Variants in STX8 observed in about 807,000 individuals in gnomAD.
STX8 encodes the protein syntaxin-8.
In STX8, 23 loss-of-function variants were observed where a neutral mutation model predicts 37.5. The observed-to-expected ratio is 0.61, with a 90% CI of 0.44 to 0.87. The LOEUF is 0.87. STX8 is among the 40% of genes least tolerant of loss of function. STX8 has a pLI of 0.00. For synonymous variants in STX8, 115 were observed against 99.1 expected, an observed-to-expected ratio of 1.16 and a Z score of -0.95; for missense variants, 313 against 284.7, an observed-to-expected ratio of 1.10 and a Z score of -0.71.
intron 4 of STX8, among the ~76,000 whole-genome samples, chr17:9,537,438 A>G (rs1906103351): frequency 1.3e-5 from 2 of 152,216 alleles, no homozygotes; most frequent in South Asian, 4.1e-4. Context: ...TCATGAGAGC[A>G]CAGCCCAGAG....
intron 7 of STX8, among the ~76,000 whole-genome samples, chr17:9,307,940 AG>A (rs1909058232): frequency 6.6e-6 from 1 of 152,194 alleles, no homozygotes; most frequent in Admixed American, 6.5e-5. Flanking sequence ...CTCATTCCAA[AG>A]GGTTTCTGCC....
At chr17:9,573,055 AT>A (rs1907742656) in intron 1 of STX8, among the ~76,000 whole-genome samples, 1 of 150,752 alleles carries the variant, frequency 6.6e-6, no homozygotes, top group Admixed American at 6.7e-5. Flanking sequence ...GTAAACCAAA[AT>A]AAAATTCTAA....
intron 6 of STX8, among the ~76,000 whole-genome samples, chr17:9,401,438 C>T (rs1912615567): frequency 6.6e-6 from 1 of 152,176 alleles, no homozygotes; most frequent in African/African-American, 2.4e-5. Flanking sequence ...TCTGATACTC[C>T]TGTCAATCCG....
intron 6 of STX8, among the ~76,000 whole-genome samples, chr17:9,379,218 C>T (rs1436825481): frequency 6.9e-6 from 1 of 145,000 alleles, no homozygotes; most frequent in Non-Finnish European, 1.5e-5. Context: ...GCATTCCAGC[C>T]TGGGTGACAG....
chr17:9,536,430 C>G (rs375657535), intron 4 of STX8, among the ~76,000 whole-genome samples: 1 of 152,104 alleles, frequency 6.6e-6, no homozygotes, highest in East Asian at 1.9e-4. Context: ...GATGTTTTTC[C>G]CTATTTAAGC....
intron 5 of STX8, among the ~76,000 whole-genome samples, chr17:9,501,172 A>G (rs1904596209): frequency 6.6e-6 from 1 of 152,212 alleles, no homozygotes; most frequent in African/African-American, 2.4e-5. Flanking sequence ...TGTAATCCCA[A>G]TCAAATGCCC....
At chr17:9,413,445 G>A (rs558651688) in intron 6 of STX8, among the ~76,000 whole-genome samples, 1 of 152,328 alleles carries the variant, frequency 6.6e-6, no homozygotes, top group South Asian at 2.1e-4. Flanking sequence ...AGCTGTGAAC[G>A]TAAAGGAGAC....
intron 7 of STX8, among the ~76,000 whole-genome samples, chr17:9,307,799 C>A (rs1909053479): frequency 6.6e-6 from 1 of 152,116 alleles, no homozygotes; most frequent in African/African-American, 2.4e-5. Context: ...TCCTGCCCCT[C>A]TTTGTCCTCT....
chr17:9,571,185 A>T (rs1907673902), intron 1 of STX8, among the ~76,000 whole-genome samples: 1 of 152,192 alleles, frequency 6.6e-6, no homozygotes, highest in African/African-American at 2.4e-5. Context: ...ACAAACTCCC[A>T]GGTGTCCTGA....
intron 7 of STX8, among the ~76,000 whole-genome samples, chr17:9,271,790 A>G (rs924860121): frequency 6.6e-6 from 1 of 151,860 alleles, no homozygotes; most frequent in African/African-American, 2.4e-5. Flanking sequence ...ATTCAACTTC[A>G]AGGGTCCTAC....
intron 7 of STX8, among the ~76,000 whole-genome samples, chr17:9,289,290 G>T (rs535586279): frequency 6.6e-6 from 1 of 152,272 alleles, no homozygotes; most frequent in South Asian, 2.1e-4. Flanking sequence ...GCTTAAGGGG[G>T]TAAATCAAGC....
chr17:9,451,535 T>C (rs1386739727), intron 6 of STX8, among the ~76,000 whole-genome samples: 1 of 152,236 alleles, frequency 6.6e-6, no homozygotes, highest in Non-Finnish European at 1.5e-5. Context: ...AAATATTATA[T>C]ACTTTGCATT....
At chr17:9,337,888 G>T (rs959264927) in intron 7 of STX8, among the ~76,000 whole-genome samples, 3 of 151,990 alleles carry the variant, frequency 2.0e-5, no homozygotes, top group African/African-American at 7.3e-5. Flanking sequence ...CCTAGTCCAT[G>T]GAAGAGAAAA....
At chr17:9,542,120 A>G (rs1906301060) in intron 4 of STX8, among the ~76,000 whole-genome samples, 1 of 151,504 alleles carries the variant, frequency 6.6e-6, no homozygotes, top group Admixed American at 6.6e-5. Context: ...GCGTTTTGGG[A>G]GGCTGAGGCA....
chr17:9,268,312 G>C (rs1487607244), intron 7 of STX8, among the ~76,000 whole-genome samples: 1 of 151,878 alleles, frequency 6.6e-6, no homozygotes, highest in African/African-American at 2.4e-5. Context: ...GAGAGAGAGA[G>C]ACTTCAAAGT....
intron 6 of STX8, among the ~76,000 whole-genome samples, chr17:9,432,191 G>T (rs1914009611): frequency 6.6e-6 from 1 of 151,794 alleles, no homozygotes; most frequent in Non-Finnish European, 1.5e-5. Context: ...AAATAAAAAA[G>T]TTCCAATTGA....
At chr17:9,323,610 C>T (rs1021019931) in intron 7 of STX8, among the ~76,000 whole-genome samples, 7 of 151,896 alleles carry the variant, frequency 4.6e-5, no homozygotes, top group East Asian at 1.9e-4. Flanking sequence ...TACAAGGCAC[C>T]GTGGTAGACT....
chr17:9,257,825 T>TA (rs1354121104), intron 7 of STX8, among the ~76,000 whole-genome samples: 2 of 152,062 alleles, frequency 1.3e-5, no homozygotes, highest in Non-Finnish European at 2.9e-5. Flanking sequence ...CCGTCTCTAC[T>TA]AAAAAATGCA....
chr17:9,362,535 C>T (rs1261519425), intron 7 of STX8, among the ~76,000 whole-genome samples: 1 of 152,080 alleles, frequency 6.6e-6, no homozygotes, highest in African/African-American at 2.4e-5. Context: ...AATTCTCTCT[C>T]TGGCTGGGCG....
Sources: gnomAD v4.1 joint callset for allele counts (sites outside exome capture counted in the v4.1 genomes callset) on GRCh38, gnomAD v4.1.1 for gene constraint, MANE v1.5 for transcripts, NCBI Gene and HGNC (gene_info 2026-07-23, HGNC 2026-07-21) for gene names.